Variants in XKR9 observed in about 807,000 individuals in gnomAD.
XKR9 encodes the protein XK-related protein 9.
A neutral mutation model predicts 32.0 loss-of-function variants in XKR9; 32 were observed. The ratio of observed to expected loss-of-function variants is 1.00; its 90% CI spans 0.76 to 1.34. XKR9 has a LOEUF of 1.34. Among genes scored for constraint, XKR9 ranks in the 40% most tolerant of loss-of-function variants. The pLI, the probability that XKR9 is intolerant of heterozygous loss-of-function variation, is 0.00. For synonymous variants in XKR9, 168 were observed against 143.4 expected (o/e 1.17, Z -1.22); for missense variants, 546 against 429.7 (o/e 1.27, Z -2.39).
At chr8:71,047,767 A>C in the XKR9 span, among the ~76,000 whole-genome samples, 1 of 152,210 alleles carries the variant, frequency 6.6e-6, no homozygotes, top group African/African-American at 2.4e-5. Context: ...CTGCATAATC[A>C]GTGCTCAATA....
chr8:70,870,509 T>G, the XKR9 span, among the ~76,000 whole-genome samples: 866 of 152,334 alleles, frequency 5.7e-3, 9 homozygotes, highest in African/African-American at 0.02. Flanking sequence ...TGTTGTGGTT[T>G]GGAATGTTAG....
chr8:70,906,246 GC>G, the XKR9 span, among the ~76,000 whole-genome samples: 2 of 152,234 alleles, frequency 1.3e-5, no homozygotes, highest in Non-Finnish European at 2.9e-5. Flanking sequence ...GCAGAGGCAG[GC>G]AGGCCTCCTT....
the XKR9 span, among the ~76,000 whole-genome samples, chr8:70,872,683 C>G: frequency 6.6e-6 from 1 of 151,858 alleles, no homozygotes; most frequent in Non-Finnish European, 1.5e-5. Context: ...TTTTTCAGAC[C>G]TAGTTTTGCT....
At chr8:70,827,450 C>T in the XKR9 span, among the ~76,000 whole-genome samples, 15 of 152,098 alleles carry the variant, frequency 9.9e-5, no homozygotes, top group Middle Eastern at 3.4e-3. Context: ...GACTATGAGA[C>T]GGTTGTGTGT....
At chr8:70,984,110 G>A in the XKR9 span, among the ~76,000 whole-genome samples, 2 of 152,106 alleles carry the variant, frequency 1.3e-5, no homozygotes, top group Non-Finnish European at 2.9e-5. Context: ...GTCACTATGG[G>A]GGTGTCTTTC....
the XKR9 span, among the ~76,000 whole-genome samples, chr8:70,857,453 G>T: frequency 4.6e-5 from 7 of 151,752 alleles, no homozygotes; most frequent in African/African-American, 1.7e-4. Flanking sequence ...AGACCAATAG[G>T]AGGCTCTGAA....
chr8:70,944,342 C>A, the XKR9 span, among the ~76,000 whole-genome samples: 1 of 151,986 alleles, frequency 6.6e-6, no homozygotes, highest in Non-Finnish European at 1.5e-5. Flanking sequence ...AATGATTTTG[C>A]CAAACACAGA....
At chr8:70,962,084 T>A in the XKR9 span, among the ~76,000 whole-genome samples, 1 of 152,170 alleles carries the variant, frequency 6.6e-6, no homozygotes. Context: ...GTATCTAGAG[T>A]GAATCTTTTG....
the XKR9 span, among the ~76,000 whole-genome samples, chr8:70,915,440 C>A: frequency 3.3e-5 from 5 of 152,054 alleles, no homozygotes; most frequent in Non-Finnish European, 7.4e-5. Flanking sequence ...AAGTCTATGT[C>A]CAGGAATTAA....
chr8:70,932,485 A>T, the XKR9 span, among the ~76,000 whole-genome samples: 3 of 152,280 alleles, frequency 2.0e-5, no homozygotes, highest in African/African-American at 7.2e-5. Context: ...GAAGAGAAGG[A>T]GGTAGGGAGA....
At chr8:70,979,123 A>T in the XKR9 span, among the ~76,000 whole-genome samples, 21 of 152,200 alleles carry the variant, frequency 1.4e-4, no homozygotes, top group East Asian at 2.5e-3. Context: ...GCTTGTTCTA[A>T]TTAGCCATTC....
At chr8:70,971,840 T>C in the XKR9 span, among the ~76,000 whole-genome samples, 2 of 152,158 alleles carry the variant, frequency 1.3e-5, no homozygotes, top group Admixed American at 6.6e-5. Flanking sequence ...TTCATACCAG[T>C]ACCATGCTGT....
At chr8:70,675,125 G>C (rs749827969) in intron 2 of XKR9, among the ~76,000 whole-genome samples, 4 of 152,094 alleles carry the variant, frequency 2.6e-5, no homozygotes, top group African/African-American at 4.8e-5. Flanking sequence ...CTTGAGACTA[G>C]GTAATTTATA....
At chr8:70,716,464 A>G (rs1241235951) in intron 4 of XKR9, among the ~76,000 whole-genome samples, 1 of 152,096 alleles carries the variant, frequency 6.6e-6, no homozygotes, top group Non-Finnish European at 1.5e-5. Context: ...CTAGCATGGC[A>G]GAAGGGGAAG....
chr8:70,804,171 G>C, the XKR9 span, among the ~76,000 whole-genome samples: 1 of 152,224 alleles, frequency 6.6e-6, no homozygotes. Flanking sequence ...AGTTCACACA[G>C]AAGCAGAACT....
In XKR9 at chr8:70,784,327, A is replaced by G. The variant is rs186835358; in HGVS notation, n.353-5012A>G. On this transcript the variant is annotated intron_variant and non_coding_transcript_variant, in intron 2 of 3. Coordinates refer to the XKR9 transcript ENST00000520273. ...CATTTTCACACTATTAGTTCTTTCA[A>G]TCCATGAATGTGGAATATCTTTTAA... is the stretch of plus-strand genomic sequence containing the variant. Among the ~76,000 whole-genome samples the G allele has an allele frequency of 2.6e-5, 4 of 152,214 alleles. No individual in the cohort carries two copies. In the East Asian group the frequency reaches 7.7e-4, roughly 29 times the overall value.
the XKR9 span, among the ~76,000 whole-genome samples, chr8:70,813,769 C>T: frequency 1.1e-4 from 16 of 152,100 alleles, no homozygotes; most frequent in African/African-American, 2.7e-4. Context: ...GTTAGAATGG[C>T]AATCATTAAA....
chr8:70,706,938 G>A lies in XKR9; in HGVS notation c.278G>A (p.Trp93Ter), dbSNP rs1461775849. Residue 93 changes from tryptophan (W) to a stop codon, truncating the protein, a stop_gained, in exon 4 of 5, where the codon TGG becomes TAG. Coordinates refer to ENST00000408926, the MANE Select transcript of XKR9 (RefSeq NM_001011720.2). LOFTEE classifies it high-confidence loss of function. Reference protein sequence around the residue: ...CLQGGVFTRYWFALKRGYHAA... With the variant: ...CLQGGVFTRY ...TGTTTATGTTTACTTTATAGGTATT[G>A]GTTTGCCTTAAAAAGGGGTTACCAT... 3.1e-6 allele frequency: 5 copies of A among 1,610,102 alleles called. No individual in the cohort carries two copies. The highest frequency in any genetic ancestry group is 4.2e-6 in the Non-Finnish European group (5 of 1,177,248).
At chr8:70,777,527 G>A (rs1019352346) in intron 2 of XKR9, among the ~76,000 whole-genome samples, 6 of 152,188 alleles carry the variant, frequency 3.9e-5, no homozygotes, top group East Asian at 1.9e-4. Context: ...CTGAGGAATC[G>A]CCACACTGTC....
Sources: gnomAD v4.1 joint callset for allele counts (sites outside exome capture counted in the v4.1 genomes callset) on GRCh38, gnomAD v4.1.1 for gene constraint, MANE v1.5 for transcripts, NCBI Gene and HGNC (gene_info 2026-07-23, HGNC 2026-07-21) for gene names.